The following UNC5D variants were observed in gnomAD, a reference collection of about 807,000 sequenced individuals.
UNC5D encodes unc-5 netrin receptor D, also known as netrin receptor UNC5D.
A neutral mutation model predicts 105.4 loss-of-function variants in UNC5D; 39 were observed. That is an observed-to-expected ratio of 0.37 (90% CI 0.29 to 0.48). The LOEUF (loss-of-function observed/expected upper bound fraction) is 0.48. Ranked by LOEUF, UNC5D falls within the 20% of genes least tolerant of loss-of-function variation. The probability of loss-of-function intolerance (pLI) is 0.98; values close to 1 mark genes in which losing one functional copy is unlikely to be tolerated. For missense variants in UNC5D, 991 were observed against 1,202.4 expected (o/e 0.82, Z 2.60); for synonymous variants, 452 against 450.4 (o/e 1.00, Z -0.04).
rs1379883325 is a variant in UNC5D, at chr8:35,686,585, C to T, written c.960C>T (p.Cys320=). 7 of 1,598,868 alleles carry T rather than the reference C, an allele frequency of 4.4e-6. No homozygotes were observed. The African/African-American group carries it at 6.8e-5, about 16-fold the overall frequency. ...AAGTGTGGAGCGAATGGTCCGTCTG[C>T]AGTCCAGAGTGTGAACATTTGCGGA... ...SWEVWSEWSV[C]SPECEHLRIR... is the part of the protein sequence containing the mutation. Residue 320 remains cysteine (C), a synonymous_variant, in exon 7 of 17, where the codon TGC becomes TGT. Coordinates refer to ENST00000404895, the MANE Select transcript of UNC5D (RefSeq NM_080872.4).
At chr8:35,764,603 A>T (rs1401644928) in intron 14 of UNC5D, among the ~76,000 whole-genome samples, 3 of 152,252 alleles carry the variant, frequency 2.0e-5, no homozygotes, top group African/African-American at 4.8e-5. Flanking sequence ...GAGGCCCCAC[A>T]AATCAGAAAT....
rs1191707858 is a variant in UNC5D, at chr8:35,578,293, GA to G, written c.466+10057del. ...TCAAAAAAAAAAAAGAAAGAGAAAAGAAAAATTTTTAATCTTCCTATGGTTA... is the reference window on the plus strand; with the variant it reads ...TCAAAAAAAAAAAAGAAAGAGAAAAGAAAATTTTTAATCTTCCTATGGTTA... On this transcript the variant is annotated intron_variant, in intron 3 of 16. Transcript: ENST00000404895. 1.4e-3 allele frequency among the ~76,000 whole-genome samples: 178 copies of G among 123,790 alleles called. 1 individual carries two copies. Among genetic ancestry groups the G allele is most frequent in the African/African-American group, 4.8e-3 (161 of 33,582 alleles). The allele number at this position is 123,790 out of a possible 152,430, so 81.2% of individuals were successfully genotyped here.
intron 1 of UNC5D, among the ~76,000 whole-genome samples, chr8:35,519,507 A>G (rs991091610): frequency 2.6e-5 from 4 of 152,128 alleles, no homozygotes; most frequent in African/African-American, 9.7e-5. Flanking sequence ...ACAAAGGCAT[A>G]TTGGCTATAT....
At chr8:35,246,174 T>C (rs978012864) in intron 1 of UNC5D, among the ~76,000 whole-genome samples, 4 of 152,162 alleles carry the variant, frequency 2.6e-5, no homozygotes, top group Non-Finnish European at 5.9e-5. Flanking sequence ...TAAGGCTCCT[T>C]CCTGCTCTGA....
intron 1 of UNC5D, among the ~76,000 whole-genome samples, chr8:35,273,761 C>T (rs1419898846): frequency 1.3e-5 from 2 of 152,092 alleles, no homozygotes; most frequent in African/African-American, 4.8e-5. Flanking sequence ...TGTTTTTTGG[C>T]TTGCATAAAA....
At chr8:35,398,747 A>C (rs2128947967) in intron 1 of UNC5D, among the ~76,000 whole-genome samples, 1 of 152,290 alleles carries the variant, frequency 6.6e-6, no homozygotes, top group Non-Finnish European at 1.5e-5. Context: ...AAAAAGTCTC[A>C]GGCTTGTGGT....
intron 4 of UNC5D, among the ~76,000 whole-genome samples, chr8:35,629,382 T>A (rs562667217): frequency 2.0e-5 from 3 of 152,208 alleles, no homozygotes; most frequent in Admixed American, 2.0e-4. Context: ...GCCCAGTTTT[T>A]AATGGGTTTT....
chr8:35,457,751 C>A (rs1808590204), intron 1 of UNC5D, among the ~76,000 whole-genome samples: 1 of 152,140 alleles, frequency 6.6e-6, no homozygotes, highest in South Asian at 2.1e-4. Flanking sequence ...TTTACTGAGT[C>A]CCTTGGGAAC....
chr8:35,612,723 CTTTTTT>C (rs57450378), intron 4 of UNC5D, among the ~76,000 whole-genome samples: 1 of 64,740 alleles, frequency 1.5e-5, no homozygotes. Flanking sequence ...AATGTTTTGC[CTTTTTT>C]TTTTTTTTTT....
chr8:35,773,034 G>A (rs1802079720), intron 15 of UNC5D, among the ~76,000 whole-genome samples: 1 of 152,024 alleles, frequency 6.6e-6, no homozygotes, highest in Non-Finnish European at 1.5e-5. Context: ...CTCATTTGAG[G>A]ACCACCTGAT....
chr8:35,637,451 C>G (rs966732286), intron 4 of UNC5D, among the ~76,000 whole-genome samples: 1 of 152,112 alleles, frequency 6.6e-6, no homozygotes, highest in Non-Finnish European at 1.5e-5. Flanking sequence ...GCCCTTTTAT[C>G]TTTATAATAC....
At chr8:35,498,084 C>CAAAAAAAAAAAAAAAAAA (rs58175711) in intron 1 of UNC5D, among the ~76,000 whole-genome samples, 35 of 58,146 alleles carry the variant, frequency 6.0e-4, no homozygotes, top group South Asian at 1.1e-3. Flanking sequence ...CAAAACAAAA[C>CAAAAAAAAAAAAAAAAAA]AAAAAAAAAA....
chr8:35,435,649 G>C (rs1806958257), intron 1 of UNC5D, among the ~76,000 whole-genome samples: 1 of 151,894 alleles, frequency 6.6e-6, no homozygotes, highest in Non-Finnish European at 1.5e-5. Context: ...AACTCATAAG[G>C]GCCAAAGAAG....
At chr8:35,424,790 A>G (rs1185363795) in intron 1 of UNC5D, among the ~76,000 whole-genome samples, 5 of 152,194 alleles carry the variant, frequency 3.3e-5, no homozygotes, top group African/African-American at 4.8e-5. Flanking sequence ...ACCTTCTCCA[A>G]TTCAAGCTGC....
chr8:35,698,262 G>A (rs567403808), intron 7 of UNC5D, among the ~76,000 whole-genome samples: 2 of 146,162 alleles, frequency 1.4e-5, no homozygotes, highest in South Asian at 4.3e-4. Context: ...TAGTCCATGT[G>A]TGGTGAGAAC....
intron 1 of UNC5D, among the ~76,000 whole-genome samples, chr8:35,422,403 A>G (rs936839037): frequency 6.6e-6 from 1 of 152,170 alleles, no homozygotes; most frequent in African/African-American, 2.4e-5. Context: ...AGAGAGTTTG[A>G]CTGTTCTCTA....
chr8:35,728,272 G>T (rs912507438), intron 10 of UNC5D, among the ~76,000 whole-genome samples: 2 of 151,788 alleles, frequency 1.3e-5, no homozygotes, highest in African/African-American at 2.4e-5. Flanking sequence ...CTTTCTTAGT[G>T]TATGTATGTG....
At chr8:35,702,234 C>G (rs974256633) in intron 7 of UNC5D, among the ~76,000 whole-genome samples, 1 of 151,858 alleles carries the variant, frequency 6.6e-6, no homozygotes, top group African/African-American at 2.4e-5. Flanking sequence ...TAGGAGAGAC[C>G]CTTCTGGGAC....
At chr8:35,335,667 G>A (rs1426745771) in intron 1 of UNC5D, among the ~76,000 whole-genome samples, 1 of 150,374 alleles carries the variant, frequency 6.7e-6, no homozygotes, top group Non-Finnish European at 1.5e-5. Flanking sequence ...ATATTTACTT[G>A]TAACATGAGA....
Sources: allele counts gnomAD v4.1 joint callset (sites outside exome capture counted in the v4.1 genomes callset), GRCh38; gene constraint gnomAD v4.1.1; transcripts MANE v1.5; gene names NCBI Gene and HGNC (gene_info 2026-07-23, HGNC 2026-07-21).